Variants in SUN1 observed in about 807,000 individuals in gnomAD.
The protein encoded by SUN1 is SUN domain-containing protein 1.
SUN1 carries 61 observed loss-of-function variants against 103.2 expected under a neutral mutation model. The observed-to-expected ratio is 0.59, with a 90% CI of 0.48 to 0.73. The LOEUF (loss-of-function observed/expected upper bound fraction) is 0.73, where lower values mean the gene tolerates loss of function less well. Ranked by LOEUF, SUN1 falls within the 30% of genes least tolerant of loss-of-function variation. SUN1 has a pLI of 0.00. For missense variants in SUN1, 1,052 were observed against 1,034.6 expected (o/e 1.02, Z -0.23); for synonymous variants, 490 against 425.7 (o/e 1.15, Z -1.86).
At chr7:826,385 A>G (rs1308906908) in intron 1 of SUN1, among the ~76,000 whole-genome samples, 1 of 151,210 alleles carries the variant, frequency 6.6e-6, no homozygotes, top group Non-Finnish European at 1.5e-5. Context: ...TGTGCTCATC[A>G]TGCCCCGCTC....
intron 17 of SUN1, among the ~76,000 whole-genome samples, 160 bp from the exon 18 acceptor site, chr7:872,310 C>G (rs1225472819): frequency 6.6e-6 from 1 of 152,186 alleles, no homozygotes; most frequent in Non-Finnish European, 1.5e-5. Context: ...CCCCTTCCTT[C>G]CAGGGAAGGC....
intron 1 of SUN1, among the ~76,000 whole-genome samples, chr7:822,039 A>C (rs1437872174): frequency 6.6e-6 from 1 of 151,988 alleles, no homozygotes; most frequent in African/African-American, 2.4e-5. Flanking sequence ...GCTATTTTGG[A>C]CTGCTCACCC....
chr7:841,364 C>T (rs1255188756), intron 2 of SUN1, among the ~76,000 whole-genome samples: 1 of 151,778 alleles, frequency 6.6e-6, no homozygotes, highest in African/African-American at 2.4e-5. Flanking sequence ...CTGCCACAGC[C>T]TCCCGAGTAG....
intron 10 of SUN1, among the ~76,000 whole-genome samples, chr7:854,718 T>C (rs551181080): frequency 2.0e-5 from 3 of 152,272 alleles, no homozygotes; most frequent in East Asian, 3.9e-4. Context: ...AAAATAAATA[T>C]ATATATAAAT....
chr7:853,559 G>T lies in SUN1; in HGVS notation c.1204G>T (p.Gly402Cys). The change falls in exon 10 of 19, where the codon GGC becomes TGC. Residue 402 changes from glycine to cysteine, a missense_variant. Transcript: ENST00000401592. ...GCAGGCTCGGGTGGACCAGATGGAA[G>T]GCGGCGCTGCCGGGCCGTCAGCTTC... The part of the protein sequence containing the change: ...KLQARVDQME[G>C]GAAGPSASVR... 1 of 1,611,826 alleles carries T rather than the reference G, an allele frequency of 6.2e-7. No homozygotes were observed.
Position 860,287 on chromosome 7 carries a change from G to A in SUN1, c.1684G>A (p.Val562Ile), listed in dbSNP as rs749673318. ...CCTGCAGCTGCAGATCCTGCGGAAC[G>A]TCACCCACCACGTTTCCGTGACCAA... ...RDLQLQILRN[V>I]THHVSVTKQL... Residue 562 changes from valine to isoleucine, a missense_variant, in exon 14 of 19, where the codon GTC (valine) becomes ATC (isoleucine). By Grantham distance (29) the Val-to-Ile change is conservative. Transcript: ENST00000401592. 1.2e-5 allele frequency: 20 copies of A among 1,614,234 alleles called. No homozygotes were observed. The highest frequency in any genetic ancestry group is 1.2e-4 in the Admixed American group (7 of 60,028).
chr7:841,486 C>T (rs1411007479), intron 2 of SUN1, among the ~76,000 whole-genome samples: 1 of 152,072 alleles, frequency 6.6e-6, no homozygotes, highest in Admixed American at 6.6e-5. Flanking sequence ...TCGTGATTTG[C>T]CCATTTCGGC....
chr7:827,209 A>G (rs1793005259), intron 1 of SUN1, among the ~76,000 whole-genome samples: 1 of 151,462 alleles, frequency 6.6e-6, no homozygotes, highest in African/African-American at 2.4e-5. Context: ...TTTGCTAGAG[A>G]CGGGGTTTCA....
intron 1 of SUN1, among the ~76,000 whole-genome samples, chr7:822,587 T>C (rs1182004936): frequency 6.6e-6 from 1 of 152,142 alleles, no homozygotes; most frequent in Admixed American, 6.5e-5. Flanking sequence ...AGATGTGAGC[T>C]GTATCTGCAG....
intron 5 of SUN1, among the ~76,000 whole-genome samples, chr7:847,272 C>G (rs1014483117): frequency 2.6e-5 from 4 of 151,280 alleles, no homozygotes; most frequent in Non-Finnish European, 5.9e-5. Flanking sequence ...GGGGGTTACC[C>G]CGCAGCGCCG....
At chr7:828,675 T>G (rs1316570196), upstream of SUN1, among the ~76,000 whole-genome samples, 5 of 152,198 alleles carry the variant, frequency 3.3e-5, no homozygotes. Context: ...GCTTGTAAGC[T>G]CTCTTGGCCA....
chr7:837,904 C>T (rs1805020110), intron 1 of SUN1, among the ~76,000 whole-genome samples: 2 of 152,218 alleles, frequency 1.3e-5, no homozygotes, highest in South Asian at 4.1e-4. Context: ...CTTGAGATGA[C>T]ACTGAAATTC....
chr7:836,798 T>G (rs1803681200), intron 1 of SUN1, among the ~76,000 whole-genome samples: 1 of 152,208 alleles, frequency 6.6e-6, no homozygotes, highest in African/African-American at 2.4e-5. Flanking sequence ...GGTTGACACA[T>G]GCAGGTAACC....
At chr7:831,901 C>A, upstream of SUN1, 3 of 327,028 alleles carry the variant, frequency 9.2e-6, no homozygotes, top group Non-Finnish European at 1.3e-5. Flanking sequence ...CCAAATAAAT[C>A]TAGATGACAA....
rs1299926055 is a variant in SUN1, at chr7:850,190, GA to G, written c.659-1190del. 4 of 683,220 alleles carry G rather than the reference GA, an allele frequency of 5.9e-6. No homozygotes were observed. In the East Asian group the frequency reaches 8.3e-5, roughly 14 times the overall value. 42.3% of individuals were successfully genotyped at this position (683,220 alleles called of 1,614,324 possible). A position where few individuals can be genotyped will look rare whatever the true frequency, so the allele number is the denominator to read the frequency against. On this transcript the variant is annotated intron_variant, in intron 5 of 18. Transcript: ENST00000401592. ...GTTTAAAACAGGGTGAATCTCTCTC[GA>G]AAAGCTCCCTTGTAAATATTTTTTG...
intron 17 of SUN1, among the ~76,000 whole-genome samples, chr7:870,565 A>G (rs10262832): frequency 0.62 from 94,068 of 151,938 alleles, 29,467 homozygotes; most frequent in East Asian, 0.81. Context: ...CAGCCTGGGC[A>G]ACAGAGCAAG....
At chr7:863,800 G>A (rs751635487) in intron 15 of SUN1, among the ~76,000 whole-genome samples, 1 of 152,164 alleles carries the variant, frequency 6.6e-6, no homozygotes, top group Non-Finnish European at 1.5e-5. Flanking sequence ...AAGTTCATTT[G>A]GAGTAGCTCT....
chr7:862,447 T>G (rs1832945913), intron 15 of SUN1, among the ~76,000 whole-genome samples: 1 of 152,230 alleles, frequency 6.6e-6, no homozygotes, highest in Non-Finnish European at 1.5e-5. Flanking sequence ...ACTGAAGTCG[T>G]GATAAAAATG....
Position 843,417 on chromosome 7 carries a change from C to G in SUN1, c.555C>G (p.Cys185Trp), listed in dbSNP as rs776947421. ...CCACCGCGCACAACGGCTTCTCCTG[C>G]AGCAACTGCAGCATGCTGTCCGAGC... ...AAATAHNGFSCSNCSMLSERK... is the reference protein window; with the variant it reads ...AAATAHNGFSWSNCSMLSERK... The change falls in exon 5 of 19, where the codon TGC becomes TGG. Residue 185 changes from cysteine to tryptophan, a missense_variant. Around this residue, in one of 2 missense-constraint regions of SUN1, gnomAD observed 846 missense variants for 774.5 expected, o/e 1.09. Coordinates refer to ENST00000401592, the MANE Select transcript of SUN1 (RefSeq NM_001130965.3). 3.2e-5 allele frequency: 52 copies of G among 1,613,700 alleles called. No individual in the cohort carries two copies. The highest frequency in any genetic ancestry group is 4.4e-5 in the Non-Finnish European group (52 of 1,179,760).
Sources: gnomAD v4.1 joint callset for allele counts (sites outside exome capture counted in the v4.1 genomes callset) on GRCh38, gnomAD v4.1.1 for gene constraint, gnomAD v4.1.1 regional missense constraint, MANE v1.5 for transcripts, NCBI Gene and HGNC (gene_info 2026-07-23, HGNC 2026-07-21) for gene names.